Variants in KIRREL3 observed in about 807,000 individuals in gnomAD.
KIRREL3 encodes the protein kin of IRRE-like protein 3.
KIRREL3 carries 36 observed loss-of-function variants against 89.7 expected under a neutral mutation model. The ratio of observed to expected loss-of-function variants is 0.40; its 90% confidence interval spans 0.31 to 0.53. The LOEUF (loss-of-function observed/expected upper bound fraction) is 0.53. Among genes scored for constraint, KIRREL3 ranks in the 20% least tolerant of loss-of-function variants. KIRREL3 has a pLI of 0.49. For synonymous variants in KIRREL3, 445 were observed against 441.4 expected (o/e 1.01, Z -0.10); for missense variants, 864 against 1,056.6 (o/e 0.82, Z 2.53).
At chr11:126,661,765 TA>T (rs1945413649) in intron 1 of KIRREL3, among the ~76,000 whole-genome samples, 1 of 152,198 alleles carries the variant, frequency 6.6e-6, no homozygotes. Context: ...GATTCTGATT[TA>T]ATTGGTCAGG....
Position 126,558,266 on chromosome 11 carries a change from G to A in KIRREL3, c.133+4569C>T, listed in dbSNP as rs1379840950. Among the ~76,000 whole-genome samples the A allele has an allele frequency of 6.6e-6, 1 of 152,100 alleles. No individual in the cohort carries two copies. Among genetic ancestry groups the A allele is most frequent in the Non-Finnish European group, 1.5e-5 (1 of 68,010 alleles). ...AGTCCTGTGGCCTGCCAGCTTTTCTGGTCCCCCAGGAATGGTCTTCTCTGG... is the reference window on the plus strand; with the variant it reads ...AGTCCTGTGGCCTGCCAGCTTTTCTAGTCCCCCAGGAATGGTCTTCTCTGG... On this transcript the variant is annotated intron_variant, in intron 2 of 16. Transcript: ENST00000525144. This position sits in a 1 kb window ranked among gnomAD's most constrained non-coding sequence, Gnocchi z 4.0.
At chr11:126,792,129 C>A (rs1456331281) in intron 1 of KIRREL3, among the ~76,000 whole-genome samples, 1 of 152,126 alleles carries the variant, frequency 6.6e-6, no homozygotes, top group African/African-American at 2.4e-5. Flanking sequence ...TAAATAAACC[C>A]GGCTCTGAGG....
Position 126,897,391 on chromosome 11 carries a change from C to T in KIRREL3, c.55+103064G>A, listed in dbSNP as rs1946209196. 6.6e-6 allele frequency among the ~76,000 whole-genome samples: 1 copy of T among 152,122 alleles called. No individual in the cohort carries two copies. The highest frequency in any genetic ancestry group is 1.5e-5 in the Non-Finnish European group (1 of 68,030). On this transcript the variant is annotated intron_variant, in intron 1 of 16. Transcript: ENST00000525144. The surrounding 1 kb of genome is among the most constrained non-coding windows in gnomAD (Gnocchi z 4.2). Reference sequence around the variant, plus strand: ...TTTATAGAAAATGGAAAGCCTTCCCCAAGCGTTCTCTTATTTTGGGGAAAA... The same window carrying T: ...TTTATAGAAAATGGAAAGCCTTCCCTAAGCGTTCTCTTATTTTGGGGAAAA...
chr11:126,524,795 G>T (rs1591677017), intron 3 of KIRREL3, among the ~76,000 whole-genome samples: 1 of 152,124 alleles, frequency 6.6e-6, no homozygotes, highest in Non-Finnish European at 1.5e-5. Context: ...CGGTGTTAAG[G>T]GCTCTACAAG....
chr11:126,590,185 T>C (rs1942069228), intron 1 of KIRREL3, among the ~76,000 whole-genome samples: 1 of 152,146 alleles, frequency 6.6e-6, no homozygotes, highest in South Asian at 2.1e-4. Context: ...ACTACCTTGG[T>C]TATTCGTTTT....
At chr11:126,932,081 C>G (rs1947970163) in intron 1 of KIRREL3, among the ~76,000 whole-genome samples, 1 of 152,196 alleles carries the variant, frequency 6.6e-6, no homozygotes, top group African/African-American at 2.4e-5. Flanking sequence ...GTGGCTGAAG[C>G]CTGGTGCATT....
At chr11:126,592,423 A>G (rs1311745006) in intron 1 of KIRREL3, among the ~76,000 whole-genome samples, 3 of 152,212 alleles carry the variant, frequency 2.0e-5, no homozygotes, top group Non-Finnish European at 4.4e-5. Context: ...GGAAGTCTAA[A>G]GTTACATAGC....
intron 2 of KIRREL3, among the ~76,000 whole-genome samples, chr11:126,548,472 C>T (rs1225153520): frequency 2.6e-5 from 4 of 152,232 alleles, no homozygotes; most frequent in Non-Finnish European, 4.4e-5. Flanking sequence ...AATACCCCAC[C>T]GCTTGGGTGC....
Position 126,772,935 on chromosome 11 carries a change from G to C in KIRREL3, c.56-210023C>G, listed in dbSNP as rs1950062638. 1.3e-5 allele frequency among the ~76,000 whole-genome samples: 2 copies of C among 152,174 alleles called. No individual in the cohort carries two copies. The highest frequency in any genetic ancestry group is 2.9e-5 in the Non-Finnish European group (2 of 68,028). On this transcript the variant is annotated intron_variant, in intron 1 of 16. Transcript: ENST00000525144. The surrounding 1 kb of genome is among the most constrained non-coding windows in gnomAD (Gnocchi z 4.6). ...TTACGGACATCAGGACTGAGGTCCT[G>C]GGGTTCTGTCATGTGGACTAAGGTA...
rs1416214252 is a variant in KIRREL3, at chr11:126,558,074, C to A, written c.133+4761G>T. Among the ~76,000 whole-genome samples, 2 of 152,244 alleles carry A rather than the reference C, an allele frequency of 1.3e-5. No individual in the cohort carries two copies. The highest frequency in any genetic ancestry group is 4.8e-5 in the African/African-American group (2 of 41,470). ...AATGCTGAAAGTCCACGGAAACCGA[C>A]ACCCACCCTGATGGGCAGCCCAAGA... is the stretch of plus-strand genomic sequence containing the variant. On this transcript the variant is annotated intron_variant, in intron 2 of 16. Coordinates refer to ENST00000525144, the MANE Select transcript of KIRREL3 (RefSeq NM_032531.4). This position sits in a 1 kb window ranked among gnomAD's most constrained non-coding sequence, Gnocchi z 4.0.
In KIRREL3 at chr11:126,868,432, G is replaced by A. The variant is rs372831292; in HGVS notation, c.55+132023C>T. Among the ~76,000 whole-genome samples the A allele has an allele frequency of 2.6e-5, 4 of 152,234 alleles. No homozygotes were observed. The East Asian group carries it at 5.8e-4, about 22-fold the overall frequency. The stretch of plus-strand genomic sequence containing the variant: ...TTTGAGGGAGGGCCACGTCGCCCTA[G>A]GTGGAGAGCAAAGGAGGGCTGGGAG... On this transcript the variant is annotated intron_variant, in intron 1 of 16. Transcript: ENST00000525144.
chr11:126,822,530 T>C (rs1014299713), intron 1 of KIRREL3, among the ~76,000 whole-genome samples: 3 of 152,242 alleles, frequency 2.0e-5, no homozygotes, highest in East Asian at 1.9e-4. Context: ...TGGGGACTTT[T>C]TGCAACTCAT....
Position 126,879,512 on chromosome 11 carries a change from T to C in KIRREL3, c.55+120943A>G, listed in dbSNP as rs762835651. On this transcript the variant is annotated intron_variant, in intron 1 of 16. Transcript: ENST00000525144. The surrounding 1 kb of genome is among the most constrained non-coding windows in gnomAD (Gnocchi z 5.4). ...CCTTCTGATCAACACCATGGTCCTT[T>C]CTCCCCTCTGATCCTTTCACCACTC... Among the ~76,000 whole-genome samples, 2 of 152,160 alleles carry C rather than the reference T, an allele frequency of 1.3e-5. No homozygotes were observed. The highest frequency in any genetic ancestry group is 2.4e-5 in the African/African-American group (1 of 41,428).
intron 1 of KIRREL3, among the ~76,000 whole-genome samples, chr11:126,839,816 A>G (rs770340271): frequency 6.6e-6 from 1 of 152,230 alleles, no homozygotes; most frequent in Non-Finnish European, 1.5e-5. Context: ...ACGCTCCTGC[A>G]AATTTAGGTA....
chr11:126,744,532 T>C lies in KIRREL3; in HGVS notation c.56-181620A>G, dbSNP rs1227709432. On this transcript the variant is annotated intron_variant, in intron 1 of 16. Transcript: ENST00000525144. The surrounding 1 kb of genome is among the most constrained non-coding windows in gnomAD (Gnocchi z 4.7). ...CTGGAGACTGATCAGGAAGCAGGTATGGAAGAAGCAGCAGAGACCTCAATT... is the reference window on the plus strand; with the variant it reads ...CTGGAGACTGATCAGGAAGCAGGTACGGAAGAAGCAGCAGAGACCTCAATT... Among the ~76,000 whole-genome samples, 2 of 152,124 alleles carry C rather than the reference T, an allele frequency of 1.3e-5. No individual in the cohort carries two copies. Among genetic ancestry groups the C allele is most frequent in the African/African-American group, 4.8e-5 (2 of 41,434 alleles).
chr11:126,730,127 C>T (rs544478710), intron 1 of KIRREL3, among the ~76,000 whole-genome samples: 3 of 152,276 alleles, frequency 2.0e-5, no homozygotes, highest in South Asian at 2.1e-4. Context: ...TTCAGAATTC[C>T]CCTCCTCAAA....
chr11:126,702,663 C>T (rs1947356082), intron 1 of KIRREL3, among the ~76,000 whole-genome samples: 1 of 152,226 alleles, frequency 6.6e-6, no homozygotes, highest in Non-Finnish European at 1.5e-5. Context: ...TCTAGAAAGG[C>T]TGGCAAATTC....
At chr11:126,979,436 T>C (rs555170353) in intron 1 of KIRREL3, among the ~76,000 whole-genome samples, 11 of 152,264 alleles carry the variant, frequency 7.2e-5, no homozygotes, top group African/African-American at 2.6e-4. Context: ...CCCTATAAAA[T>C]AATAACTGCA....
At chr11:126,604,424 T>C (rs563911803) in intron 1 of KIRREL3, among the ~76,000 whole-genome samples, 1 of 152,362 alleles carries the variant, frequency 6.6e-6, no homozygotes, top group South Asian at 2.1e-4. Flanking sequence ...ACATGTACCA[T>C]GTGCCAGGCT....
Sources: allele counts gnomAD v4.1 joint callset (sites outside exome capture counted in the v4.1 genomes callset), GRCh38; gene constraint gnomAD v4.1.1; non-coding constraint Gnocchi (gnomAD v3.1); transcripts MANE v1.5; gene names NCBI Gene and HGNC (gene_info 2026-07-23, HGNC 2026-07-21).